Variants in PIK3R3 observed in about 807,000 individuals in gnomAD.
PIK3R3 encodes the protein phosphoinositide-3-kinase regulatory subunit 3.
Under a neutral mutation model 62.9 loss-of-function variants are expected in PIK3R3, and 64 were observed. The observed-to-expected ratio is 1.02, with a 90% CI of 0.83 to 1.25. The LOEUF (loss-of-function observed/expected upper bound fraction) is 1.25. Among genes scored for constraint, PIK3R3 ranks in the 50% most tolerant of loss-of-function variants. The pLI, the probability that PIK3R3 is intolerant of heterozygous loss-of-function variation, is 0.00. For missense variants in PIK3R3, 614 were observed against 561.6 expected, an observed-to-expected ratio of 1.09 and a Z score of -0.94; for synonymous variants, 165 against 189.0, an observed-to-expected ratio of 0.87 and a Z score of 1.04.
the PIK3R3 span, among the ~76,000 whole-genome samples, chr1:46,148,153 T>C: frequency 1.2e-3 from 183 of 152,328 alleles, no homozygotes; most frequent in African/African-American, 4.2e-3. Flanking sequence ...CACCTTTCAC[T>C]GAGATCAAGC....
At chr1:46,138,475 C>T in the PIK3R3 span, among the ~76,000 whole-genome samples, 1 of 138,236 alleles carries the variant, frequency 7.2e-6, no homozygotes, top group Non-Finnish European at 1.6e-5. Context: ...GCCTGAGTAG[C>T]ATATGGAGAT....
chr1:46,073,666 C>G (rs1649753022), intron 3 of PIK3R3, among the ~76,000 whole-genome samples: 1 of 152,166 alleles, frequency 6.6e-6, no homozygotes, highest in East Asian at 1.9e-4. Context: ...GTCACCCAGG[C>G]CGGAGTGCAG....
rs1375707171 is a variant in PIK3R3, at chr1:46,132,367, G to A, written c.-415C>T. ...GAAGAGGAAAAAAAAGAACACGTTG[G>A]GAGAAACCCGGGCAAGTGACAAAGG... On this transcript the variant is annotated 5_prime_UTR_variant, in exon 1 of 10. Transcript: ENST00000262741. 8.9e-7 allele frequency: 1 copy of A among 1,121,474 alleles called. No individual in the cohort carries two copies. Among genetic ancestry groups the A allele is most frequent in the African/African-American group, 1.7e-5 (1 of 59,782 alleles). 69.5% of individuals were successfully genotyped at this position (1,121,474 alleles called of 1,614,324 possible).
upstream of PIK3R3, among the ~76,000 whole-genome samples, chr1:46,135,677 T>G (rs75853924): frequency 0.029 from 4,379 of 152,296 alleles, 110 homozygotes; most frequent in Middle Eastern, 0.078. Context: ...AGTCTGGAAC[T>G]CAGCCAGAAG....
At chr1:46,124,391 TA>T (rs1233936450) in intron 1 of PIK3R3, among the ~76,000 whole-genome samples, 3 of 152,174 alleles carry the variant, frequency 2.0e-5, no homozygotes, top group African/African-American at 7.2e-5. Context: ...TTAATACCAA[TA>T]AAAAATTATA....
chr1:46,050,074 TCG>T (rs1481183485), intron 7 of PIK3R3, among the ~76,000 whole-genome samples: 3 of 144,140 alleles, frequency 2.1e-5, no homozygotes, highest in East Asian at 2.0e-4. Flanking sequence ...TGAGCCGAGA[TCG>T]TGCCATTGCA....
At chr1:46,077,678 G>A in intron 2 of PIK3R3, 65 bp from the exon 3 acceptor site, 1 of 966,604 alleles carries the variant, frequency 1.0e-6, no homozygotes, top group Admixed American at 1.7e-5. Context: ...CAGTAGGTGT[G>A]CCTTCTTTAC....
intron 1 of PIK3R3, among the ~76,000 whole-genome samples, chr1:46,125,143 A>G (rs1441871413): frequency 6.6e-6 from 1 of 152,132 alleles, no homozygotes; most frequent in Non-Finnish European, 1.5e-5. Context: ...AAAAGCATTC[A>G]GCATCAAAAC....
At chr1:46,074,294 A>AG (rs1571417860) in intron 3 of PIK3R3, among the ~76,000 whole-genome samples, 2 of 135,384 alleles carry the variant, frequency 1.5e-5, no homozygotes, top group East Asian at 4.4e-4. Context: ...GTCAAAAAAA[A>AG]AAAAAAAAAA....
chr1:46,169,329 T>C, the PIK3R3 span, among the ~76,000 whole-genome samples: 1 of 152,178 alleles, frequency 6.6e-6, no homozygotes, highest in South Asian at 2.1e-4. Flanking sequence ...AGAGTGGTGG[T>C]TGTGGGCGTA....
At chr1:46,082,917 A>G (rs1650735890) in intron 1 of PIK3R3, among the ~76,000 whole-genome samples, 1 of 152,072 alleles carries the variant, frequency 6.6e-6, no homozygotes. Flanking sequence ...CATCTCTACT[A>G]AAAATACAAA....
chr1:46,113,885 T>C (rs1417946223), intron 1 of PIK3R3, among the ~76,000 whole-genome samples: 3 of 152,106 alleles, frequency 2.0e-5, no homozygotes, highest in Non-Finnish European at 4.4e-5. Context: ...CGATAATAAG[T>C]ATGGTTAAGG....
the PIK3R3 span, among the ~76,000 whole-genome samples, chr1:46,167,436 G>A: frequency 1.3e-5 from 2 of 152,182 alleles, no homozygotes; most frequent in Non-Finnish European, 2.9e-5. Flanking sequence ...TAGGTGAGGA[G>A]CAGCCTCCTC....
At chr1:46,050,478 T>C (rs1163983596) in intron 7 of PIK3R3, among the ~76,000 whole-genome samples, 1 of 149,478 alleles carries the variant, frequency 6.7e-6, no homozygotes, top group Non-Finnish European at 1.5e-5. Context: ...GGCAAGAGAA[T>C]TGCTTGAACC....
At chr1:46,091,294 T>C (rs1651610291) in intron 1 of PIK3R3, among the ~76,000 whole-genome samples, 2 of 151,884 alleles carry the variant, frequency 1.3e-5, no homozygotes. Flanking sequence ...GCACGTGCTA[T>C]CACGCCCAGC....
chr1:46,159,475 A>G, the PIK3R3 span, among the ~76,000 whole-genome samples: 1 of 152,184 alleles, frequency 6.6e-6, no homozygotes, highest in African/African-American at 2.4e-5. Context: ...ATAAGACTGG[A>G]TTTTGAGCAT....
chr1:46,121,185 T>C lies in PIK3R3; in HGVS notation c.106+10662A>G, dbSNP rs994292790. Among the ~76,000 whole-genome samples the C allele has an allele frequency of 2.0e-5, 3 of 152,224 alleles. No homozygotes were observed. The East Asian group carries it at 5.8e-4, about 29-fold the overall frequency. Reference sequence around the variant, plus strand: ...TTTTAAAGCCATTTTGAATTAGTTCTGTTGCTTGCAGCTGAAAACATATGA... The same window carrying C: ...TTTTAAAGCCATTTTGAATTAGTTCCGTTGCTTGCAGCTGAAAACATATGA... On this transcript the variant is annotated intron_variant, in intron 1 of 9. Transcript: ENST00000262741.
At chr1:46,124,757 T>C (rs567620323) in intron 1 of PIK3R3, among the ~76,000 whole-genome samples, 26 of 131,796 alleles carry the variant, frequency 2.0e-4, no homozygotes, top group Non-Finnish European at 2.3e-4. Flanking sequence ...GCTCGCACCA[T>C]TGCACTCCAG....
chr1:46,126,914 A>G (rs1262600242), intron 1 of PIK3R3, among the ~76,000 whole-genome samples: 11 of 152,288 alleles, frequency 7.2e-5, no homozygotes, highest in Non-Finnish European at 5.9e-5. Context: ...CTAATTTTTT[A>G]AGTCTAAAAG....
Sources: allele counts gnomAD v4.1 joint callset (sites outside exome capture counted in the v4.1 genomes callset), GRCh38; gene constraint gnomAD v4.1.1; transcripts MANE v1.5; gene names NCBI Gene and HGNC (gene_info 2026-07-23, HGNC 2026-07-21).